Variants in VCL observed in about 807,000 individuals in gnomAD.
VCL encodes the protein epididymis luminal protein 114.
In VCL, 47 loss-of-function variants were observed where a neutral mutation model predicts 125.7. That is an observed-to-expected ratio of 0.37 (90% confidence interval 0.30 to 0.48). The LOEUF is 0.48. Ranked by LOEUF, VCL falls within the 20% of genes least tolerant of loss-of-function variation. The pLI is 0.99. For synonymous variants in VCL, 458 were observed against 514.6 expected (o/e 0.89, Z 1.49); for missense variants, 1,069 against 1,455.5 (o/e 0.73, Z 4.32).
intron 10 of VCL, 141 bp downstream of exon 10, chr10:74,090,339 C>T: frequency 1.1e-6 from 1 of 901,272 alleles, no homozygotes; most frequent in African/African-American, 1.7e-5. Flanking sequence ...GATGCTCTTC[C>T]ACTATATTCT....
intron 1 of VCL, among the ~76,000 whole-genome samples, chr10:74,033,630 T>C (rs1840922216): frequency 6.6e-6 from 1 of 152,232 alleles, no homozygotes; most frequent in African/African-American, 2.4e-5. Flanking sequence ...ACTTATCTGT[T>C]GGTGGTGTTG....
At position 74,120,012 on chromosome 10, in the gene VCL, A is replaced by T. The variant is rs1251873318; in HGVS notation, c.*1843A>T. On this transcript the variant is annotated 3_prime_UTR_variant, in exon 22 of 22. Coordinates refer to ENST00000211998, the MANE Select transcript of VCL (RefSeq NM_014000.3). Reference sequence around the variant, plus strand: ...TGCTCGAGACACAGTGAAGCAAATTAAAAAAAAAAAAAAAAAAAATCCCTG... The same window carrying T: ...TGCTCGAGACACAGTGAAGCAAATTTAAAAAAAAAAAAAAAAAAATCCCTG... The T allele has an allele frequency of 1.7e-4, 4 of 24,018 alleles. No homozygotes were observed. The highest frequency in any genetic ancestry group is 1.6e-3 in the South Asian group (2 of 1,280). 1.5% of individuals were successfully genotyped at this position (24,018 alleles called of 1,614,324 possible). A position where few individuals can be genotyped will look rare whatever the true frequency, so the allele number is the denominator to read the frequency against.
At chr10:74,112,251 GT>G in intron 19 of VCL, 139 bp downstream of exon 19, 1 of 1,096,176 alleles carries the variant, frequency 9.1e-7, no homozygotes, top group Non-Finnish European at 1.3e-6. Context: ...GCACCATGTT[GT>G]TAGGACTGGC....
chr10:74,070,535 T>C, intron 2 of VCL, 135 bp from the exon 3 acceptor site: 2 of 1,244,388 alleles, frequency 1.6e-6, no homozygotes, highest in Admixed American at 1.7e-5. Context: ...GTAGGTTCTA[T>C]TATCAATTGG....
chr10:74,092,688 G>A (rs1326956178), intron 10 of VCL, among the ~76,000 whole-genome samples: 2 of 152,164 alleles, frequency 1.3e-5, no homozygotes, highest in African/African-American at 4.8e-5. Flanking sequence ...ATCACTGGTT[G>A]ACTATGCAGT....
Position 74,109,176 on chromosome 10 carries a change from T to C in VCL, c.2745+20T>C, listed in dbSNP as rs1164412227. Reference sequence around the variant, plus strand: ...AGCAAGGTAAGTAGTGAAGCTTTTCTTGTTGAGAAAGGATGTCTTCTCGGA... The same window carrying C: ...AGCAAGGTAAGTAGTGAAGCTTTTCCTGTTGAGAAAGGATGTCTTCTCGGA... On this transcript the variant is annotated intron_variant, in intron 18 of 21. Transcript: ENST00000211998. 1.2e-6 allele frequency: 2 copies of C among 1,613,816 alleles called. No homozygotes were observed. Among genetic ancestry groups the C allele is most frequent in the Non-Finnish European group, 1.7e-6 (2 of 1,179,904 alleles).
chr10:74,066,891 C>G (rs1023049594), intron 2 of VCL, among the ~76,000 whole-genome samples: 1 of 152,010 alleles, frequency 6.6e-6, no homozygotes, highest in African/African-American at 2.4e-5. Flanking sequence ...AGGCTGGTTT[C>G]GAACTCCTGA....
At chr10:74,103,629 C>T (rs1840091116) in intron 14 of VCL, among the ~76,000 whole-genome samples, 191 bp from the exon 15 acceptor site, 1 of 152,192 alleles carries the variant, frequency 6.6e-6, no homozygotes, top group African/African-American at 2.4e-5. Context: ...GATGGTAAAA[C>T]CTTCCTGTGA....
chr10:74,078,689 GAGGAATTGAGACCC>G (rs1338996256), intron 6 of VCL, among the ~76,000 whole-genome samples: 1 of 152,214 alleles, frequency 6.6e-6, no homozygotes, highest in Non-Finnish European at 1.5e-5. Flanking sequence ...TCTTAGAGAT[GAGGAATTGAGACCC>G]AGAGAAGGTA....
chr10:74,005,055 G>T (rs1334528876), intron 1 of VCL: 2 of 152,044 alleles, frequency 1.3e-5, no homozygotes, highest in African/African-American at 4.8e-5. Context: ...CAGCACAAAA[G>T]TATGCCTGCA....
chr10:74,074,523 A>T (rs1839550199), intron 5 of VCL, among the ~76,000 whole-genome samples: 2 of 152,156 alleles, frequency 1.3e-5, no homozygotes, highest in Admixed American at 1.3e-4. Context: ...TCATGTTGTG[A>T]TGGTGTCTTT....
In VCL at chr10:74,094,471, G is replaced by A; in HGVS notation, c.1543+10G>A. ...GATGACCGTGGAGTCGGTAAGGGCA[G>A]CAGTGCACTATAACCTCATTAAATT... On this transcript the variant is annotated intron_variant, in intron 11 of 21. Coordinates refer to ENST00000211998, the MANE Select transcript of VCL (RefSeq NM_014000.3). 6.2e-7 allele frequency: 1 copy of A among 1,611,860 alleles called. No individual in the cohort carries two copies. The highest frequency in any genetic ancestry group is 8.5e-7 in the Non-Finnish European group (1 of 1,178,942).
intron 16 of VCL, among the ~76,000 whole-genome samples, chr10:74,105,830 C>T (rs1840123259): frequency 6.6e-6 from 1 of 150,878 alleles, no homozygotes; most frequent in East Asian, 2.0e-4. Context: ...GCTGGGATTA[C>T]AGGTGTGAGC....
chr10:74,021,149 G>A (rs1840657838), intron 1 of VCL, among the ~76,000 whole-genome samples: 1 of 152,024 alleles, frequency 6.6e-6, no homozygotes, highest in Non-Finnish European at 1.5e-5. Context: ...GCCCAGTGCA[G>A]ATGTCACTCT....
At chr10:74,017,939 G>C (rs1382586055) in intron 1 of VCL, among the ~76,000 whole-genome samples, 1 of 151,346 alleles carries the variant, frequency 6.6e-6, no homozygotes, top group Non-Finnish European at 1.5e-5. Flanking sequence ...CAGGCAGATT[G>C]CTTGAGCGTA....
intron 1 of VCL, among the ~76,000 whole-genome samples, chr10:74,025,688 GAGGGAGGGAGGAAGGA>G (rs1267098796): frequency 8.2e-6 from 1 of 121,978 alleles, no homozygotes; most frequent in Admixed American, 8.1e-5. Context: ...GGGAGAGAGG[GAGGGAGGGAGGAAGGA>G]AGGGAGGGAG....
chr10:74,020,112 A>G (rs188435345), intron 1 of VCL, among the ~76,000 whole-genome samples: 5 of 152,156 alleles, frequency 3.3e-5, no homozygotes, highest in African/African-American at 1.2e-4. Flanking sequence ...GGGGAGCACT[A>G]TGTGGTTATT....
intron 1 of VCL, among the ~76,000 whole-genome samples, chr10:74,013,374 A>G (rs1207984246): frequency 6.6e-6 from 1 of 152,150 alleles, no homozygotes; most frequent in African/African-American, 2.4e-5. Flanking sequence ...TGCACAGCCC[A>G]GCACAGGATT....
intron 2 of VCL, among the ~76,000 whole-genome samples, chr10:74,066,989 G>A (rs1384262689): frequency 9.9e-5 from 15 of 152,050 alleles, no homozygotes; most frequent in Admixed American, 9.8e-4. Context: ...TTGACTTTTA[G>A]GTAGATGGTG....
Sources: gnomAD v4.1 joint callset for allele counts (sites outside exome capture counted in the v4.1 genomes callset) on GRCh38, gnomAD v4.1.1 for gene constraint, MANE v1.5 for transcripts, NCBI Gene and HGNC (gene_info 2026-07-23, HGNC 2026-07-21) for gene names.